Variants in ZNF208 observed in about 807,000 individuals in gnomAD.
ZNF208 encodes the protein zinc finger protein 95.
ZNF208 carries 10 observed loss-of-function variants against 12.1 expected under a neutral mutation model. That is an observed-to-expected ratio of 0.83 (90% CI 0.51 to 1.40). ZNF208 has a LOEUF of 1.40. Among genes scored for constraint, ZNF208 ranks in the 40% most tolerant of loss-of-function variants. ZNF208 has a pLI of 0.00. For synonymous variants in ZNF208, 497 were observed against 488.4 expected, an observed-to-expected ratio of 1.02 and a Z score of -0.23; for missense variants, 1,652 against 1,485.0, an observed-to-expected ratio of 1.11 and a Z score of -1.85.
chr19:21,963,903 TTAAG>T (rs1169862259), downstream of ZNF208, among the ~76,000 whole-genome samples: 4 of 151,882 alleles, frequency 2.6e-5, no homozygotes. Context: ...TTCAAATAGG[TTAAG>T]TAAGTTTTGA....
intron 3 of ZNF208, chr19:21,986,759 T>C: frequency 3.0e-6 from 1 of 327,972 alleles, no homozygotes; most frequent in Admixed American, 4.9e-5. Context: ...ATTTCAAGAC[T>C]ACAGTAATAA....
At chr19:21,995,168 TCTC>T (rs1970811435) in intron 1 of ZNF208, among the ~76,000 whole-genome samples, 1 of 152,122 alleles carries the variant, frequency 6.6e-6, no homozygotes, top group Non-Finnish European at 1.5e-5. Context: ...GCCAGGCTGG[TCTC>T]GAACTCCTGA....
At chr19:21,943,923 C>G (rs1044659414) in intron 4 of ZNF208, among the ~76,000 whole-genome samples, 15 of 152,118 alleles carry the variant, frequency 9.9e-5, no homozygotes, top group African/African-American at 3.6e-4. Context: ...AGTATTTGTT[C>G]CATATCTTGT....
intron 1 of ZNF208, among the ~76,000 whole-genome samples, chr19:22,002,954 C>A (rs935319562): frequency 7.2e-5 from 11 of 152,150 alleles, no homozygotes; most frequent in African/African-American, 2.4e-4. Flanking sequence ...AACTACACAA[C>A]AGTGCTACAG....
At chr19:21,995,279 T>C (rs1013147295) in intron 1 of ZNF208, among the ~76,000 whole-genome samples, 8 of 152,270 alleles carry the variant, frequency 5.3e-5, no homozygotes, top group African/African-American at 1.9e-4. Context: ...TATGACTATA[T>C]GAAATGGAAG....
chr19:21,990,120 G>A (rs1030410990), intron 1 of ZNF208, among the ~76,000 whole-genome samples: 1 of 152,062 alleles, frequency 6.6e-6, no homozygotes, highest in Non-Finnish European at 1.5e-5. Context: ...GGCTTTTGTT[G>A]CCATTGCTAT....
intron 4 of ZNF208, among the ~76,000 whole-genome samples, chr19:21,953,502 A>G (rs1341734920): frequency 1.3e-5 from 2 of 152,246 alleles, no homozygotes; most frequent in African/African-American, 2.4e-5. Context: ...GTGGGGGCCA[A>G]TATTCAACAT....
intron 4 of ZNF208, among the ~76,000 whole-genome samples, chr19:21,951,746 T>C (rs1265136747): frequency 6.6e-6 from 1 of 152,048 alleles, no homozygotes; most frequent in Non-Finnish European, 1.5e-5. Context: ...AGATGATGGG[T>C]GATTTCTGCA....
At position 22,010,942 on chromosome 19, in the gene ZNF208, G is replaced by T; in HGVS notation, c.-148C>A. 8.3e-7 allele frequency: 1 copy of T among 1,203,466 alleles called. No individual in the cohort carries two copies. The highest frequency in any genetic ancestry group is 1.2e-6 in the Non-Finnish European group (1 of 829,546). The allele number at this position is 1,203,466 out of a possible 1,614,324, so 74.5% of individuals were successfully genotyped here. A position where few individuals can be genotyped will look rare whatever the true frequency, so the allele number is the denominator to read the frequency against. Reference sequence around the variant, plus strand: ...ACCTCCGGCTGCAGCGAGAGACAAAGGACCGACCACATCCCGGAAGCCGAC... The same window carrying T: ...ACCTCCGGCTGCAGCGAGAGACAAATGACCGACCACATCCCGGAAGCCGAC... On this transcript the variant is annotated 5_prime_UTR_variant, in exon 1 of 4. Coordinates refer to ENST00000397126, the MANE Select transcript of ZNF208 (RefSeq NM_007153.3).
intron 3 of ZNF208, among the ~76,000 whole-genome samples, chr19:21,983,267 C>T (rs1970576650): frequency 6.6e-6 from 1 of 152,152 alleles, no homozygotes. Flanking sequence ...CACATCATCA[C>T]TGGTCATTAG....
downstream of ZNF208, among the ~76,000 whole-genome samples, chr19:21,964,166 A>G (rs1240581069): frequency 1.3e-5 from 2 of 151,922 alleles, no homozygotes; most frequent in African/African-American, 4.8e-5. Context: ...GAGAGAGTGA[A>G]GTAAGATTTA....
intron 1 of ZNF208, among the ~76,000 whole-genome samples, chr19:21,989,556 T>C (rs555801169): frequency 6.6e-6 from 1 of 152,216 alleles, no homozygotes; most frequent in East Asian, 1.9e-4. Flanking sequence ...TGTGCATGTG[T>C]CTTTATAGCA....
chr19:21,999,904 T>C (rs1301642988), intron 1 of ZNF208, among the ~76,000 whole-genome samples: 1 of 152,238 alleles, frequency 6.6e-6, no homozygotes, highest in African/African-American at 2.4e-5. Flanking sequence ...ATTTCTAATT[T>C]ATATTTTGTC....
chr19:21,975,620 T>C lies in ZNF208; in HGVS notation c.227-813A>G, dbSNP rs542277244. On this transcript the variant is annotated intron_variant, in intron 3 of 3. Transcript: ENST00000397126. ...TACAATATAGGGCAATATAATTCCA[T>C]CAAAAATATTATACAATTTTCAGAA... Among the ~76,000 whole-genome samples, 6 of 151,960 alleles carry C rather than the reference T, an allele frequency of 3.9e-5. No individual in the cohort carries two copies. In the South Asian group the frequency reaches 1.2e-3, roughly 32 times the overall value.
intron 4 of ZNF208, among the ~76,000 whole-genome samples, chr19:21,942,851 A>C (rs1298334209): frequency 6.6e-6 from 1 of 152,016 alleles, no homozygotes; most frequent in Non-Finnish European, 1.5e-5. Context: ...GGGTTTCACT[A>C]TGTTGGCCAG....
At chr19:21,997,489 A>G (rs1160455629) in intron 1 of ZNF208, among the ~76,000 whole-genome samples, 1 of 151,892 alleles carries the variant, frequency 6.6e-6, no homozygotes, top group East Asian at 1.9e-4. Flanking sequence ...CTCCCTGAGC[A>G]CTGGGCTAGA....
intron 4 of ZNF208, among the ~76,000 whole-genome samples, chr19:21,955,102 G>A (rs530753781): frequency 6.6e-6 from 1 of 152,276 alleles, no homozygotes; most frequent in African/African-American, 2.4e-5. Context: ...GCTTAGTTTG[G>A]CTGGATATGA....
chr19:21,973,029 C>A lies in ZNF208; in HGVS notation c.2005G>T (p.Glu669Ter), dbSNP rs778283069. 4 of 1,613,514 alleles carry A rather than the reference C, an allele frequency of 2.5e-6. No homozygotes were observed. The East Asian group carries it at 8.9e-5, about 36-fold the overall frequency. ...HAGEKPYKCK[E>*]CGKAFSKFSI... ...AACTTACTAAAGGCTTTGCCACATT[C>A]TTTACATTTGTAGGGCTTCTCTCCA... The change falls in exon 4 of 4, where the codon GAA (glutamate) becomes TAA (stop). Residue 669 changes from glutamate (E) to a stop codon, truncating the protein, a stop_gained. Transcript: ENST00000397126. LOFTEE classifies it low-confidence loss of function (END_TRUNC).
chr19:21,947,800 T>C (rs1387267263), intron 4 of ZNF208, among the ~76,000 whole-genome samples: 2 of 152,186 alleles, frequency 1.3e-5, no homozygotes, highest in Admixed American at 1.3e-4. Flanking sequence ...AAAAATGGTA[T>C]TAGGGCATTC....
Sources: allele counts gnomAD v4.1 joint callset (sites outside exome capture counted in the v4.1 genomes callset), GRCh38; gene constraint gnomAD v4.1.1; transcripts MANE v1.5; gene names NCBI Gene and HGNC (gene_info 2026-07-23, HGNC 2026-07-21).